The following FHIT variants were observed in gnomAD, a reference collection of about 807,000 sequenced individuals.
The protein encoded by FHIT is bis(5'-adenosyl)-triphosphatase.
Under a neutral mutation model 17.9 loss-of-function variants are expected in FHIT, and 19 were observed. That is an observed-to-expected ratio of 1.06 (90% CI 0.74 to 1.56). The LOEUF (loss-of-function observed/expected upper bound fraction) is 1.56. FHIT is among the 40% of genes most tolerant of loss of function. The pLI is 0.00. For missense variants in FHIT, 248 were observed against 189.2 expected (o/e 1.31, Z -1.82); for synonymous variants, 81 against 69.7 (o/e 1.16, Z -0.81).
In FHIT at chr3:60,150,710, G is replaced by C. The variant is rs887042567; in HGVS notation, c.104-136558C>G. ...AGGCGGGCAGACCGCCTGAGCTCAG[G>C]AGTTCGAGACCAGCCTGGCCAACAT... is the stretch of plus-strand genomic sequence containing the variant. On this transcript the variant is annotated intron_variant, in intron 5 of 9. Transcript: ENST00000492590. 3.3e-5 allele frequency among the ~76,000 whole-genome samples: 5 copies of C among 152,280 alleles called. No homozygotes were observed. The East Asian group carries it at 9.7e-4, about 30-fold the overall frequency.
chr3:59,938,957 G>A (rs1032589095), intron 7 of FHIT, among the ~76,000 whole-genome samples: 3 of 152,158 alleles, frequency 2.0e-5, no homozygotes, highest in African/African-American at 7.2e-5. Context: ...CCAGAGAGCT[G>A]CATATCATCT....
At chr3:60,957,298 C>T (rs1344128203) in intron 3 of FHIT, among the ~76,000 whole-genome samples, 2 of 135,932 alleles carry the variant, frequency 1.5e-5, no homozygotes, top group Non-Finnish European at 3.1e-5. Context: ...AGTGCAGTGG[C>T]GCGATCTCAG....
At chr3:61,230,146 G>A (rs1461077380) in intron 1 of FHIT, among the ~76,000 whole-genome samples, 1 of 152,162 alleles carries the variant, frequency 6.6e-6, no homozygotes, top group African/African-American at 2.4e-5. Flanking sequence ...AGAAAGACTT[G>A]GATCAATGAG....
At chr3:60,588,348 C>G (rs1040196270) in intron 4 of FHIT, among the ~76,000 whole-genome samples, 5 of 151,708 alleles carry the variant, frequency 3.3e-5, no homozygotes, top group Admixed American at 6.6e-5. Flanking sequence ...AAAGGAAGAA[C>G]AAACAGTCAA....
chr3:59,949,335 C>T (rs761755250), intron 7 of FHIT, among the ~76,000 whole-genome samples: 3 of 152,206 alleles, frequency 2.0e-5, no homozygotes, highest in African/African-American at 7.2e-5. Flanking sequence ...CCCTAACTGC[C>T]TCACTCATCT....
chr3:60,872,515 A>G (rs1231066042), intron 3 of FHIT, among the ~76,000 whole-genome samples: 2 of 152,084 alleles, frequency 1.3e-5, no homozygotes, highest in African/African-American at 4.8e-5. Flanking sequence ...ATTCTCAAGG[A>G]GCAAAAATAC....
At chr3:60,518,769 G>A (rs769194531) in intron 5 of FHIT, among the ~76,000 whole-genome samples, 2 of 152,216 alleles carry the variant, frequency 1.3e-5, no homozygotes, top group Non-Finnish European at 2.9e-5. Context: ...AGCACTATGG[G>A]AGGCAGAGGC....
At chr3:60,250,177 A>G (rs977354858) in intron 5 of FHIT, among the ~76,000 whole-genome samples, 1 of 152,156 alleles carries the variant, frequency 6.6e-6, no homozygotes, top group African/African-American at 2.4e-5. Flanking sequence ...GAGGCCATAC[A>G]TGCACTAGAT....
intron 5 of FHIT, among the ~76,000 whole-genome samples, chr3:60,531,490 G>C (rs1468358370): frequency 6.6e-6 from 1 of 151,928 alleles, no homozygotes; most frequent in Non-Finnish European, 1.5e-5. Flanking sequence ...GTGTTAGCCA[G>C]GATGGTCTCG....
At chr3:59,995,870 G>A (rs1396797009) in intron 7 of FHIT, among the ~76,000 whole-genome samples, 1 of 151,946 alleles carries the variant, frequency 6.6e-6, no homozygotes. Flanking sequence ...ATTAAAAGGG[G>A]ACTGACACTA....
intron 3 of FHIT, among the ~76,000 whole-genome samples, chr3:60,921,209 T>A (rs535178793): frequency 1.3e-5 from 2 of 152,184 alleles, no homozygotes; most frequent in Non-Finnish European, 2.9e-5. Context: ...CATTTTTCGG[T>A]ATGGCTGAAC....
intron 8 of FHIT, among the ~76,000 whole-genome samples, chr3:59,911,739 G>T (rs6446090): frequency 1.3e-5 from 2 of 152,016 alleles, no homozygotes; most frequent in Non-Finnish European, 2.9e-5. Flanking sequence ...GGTTTTGACA[G>T]GAGGCAGGCA....
At chr3:61,139,213 T>C (rs1286249937) in intron 2 of FHIT, among the ~76,000 whole-genome samples, 1 of 152,108 alleles carries the variant, frequency 6.6e-6, no homozygotes, top group Non-Finnish European at 1.5e-5. Context: ...GTATTTTTAG[T>C]AGAGACGGGA....
chr3:60,130,745 G>GGT (rs371035618), intron 5 of FHIT, among the ~76,000 whole-genome samples: 3,631 of 80,254 alleles, frequency 0.045, 60 homozygotes, highest in African/African-American at 0.058. Context: ...ACTGAATAGG[G>GGT]GTGTGTGTGT....
chr3:59,759,557 T>G (rs1486988866), intron 8 of FHIT, among the ~76,000 whole-genome samples: 1 of 152,118 alleles, frequency 6.6e-6, no homozygotes, highest in Non-Finnish European at 1.5e-5. Flanking sequence ...TCTGAACTAG[T>G]GTGAAAATCA....
chr3:59,786,816 A>G (rs1699324679), intron 8 of FHIT, among the ~76,000 whole-genome samples: 1 of 152,258 alleles, frequency 6.6e-6, no homozygotes, highest in East Asian at 1.9e-4. Context: ...AGGTTCCCTC[A>G]ATACTCCAGC....
At chr3:60,090,054 C>A (rs913113273) in intron 5 of FHIT, among the ~76,000 whole-genome samples, 4 of 152,016 alleles carry the variant, frequency 2.6e-5, no homozygotes, top group Non-Finnish European at 5.9e-5. Context: ...ATTCCTAATA[C>A]AAAAAAGTGA....
At chr3:60,374,854 TG>T (rs544451820) in intron 5 of FHIT, among the ~76,000 whole-genome samples, 2 of 152,142 alleles carry the variant, frequency 1.3e-5, no homozygotes, top group Admixed American at 6.6e-5. Flanking sequence ...TGCTAATCAC[TG>T]AACCAGCCCT....
chr3:61,030,353 T>C (rs79635448), intron 3 of FHIT, among the ~76,000 whole-genome samples: 1,930 of 152,342 alleles, frequency 0.013, 47 homozygotes, highest in African/African-American at 0.044. Flanking sequence ...CATTCGTTCA[T>C]TCAATACGTT....
Sources: allele counts gnomAD v4.1 joint callset (sites outside exome capture counted in the v4.1 genomes callset), GRCh38; gene constraint gnomAD v4.1.1; transcripts MANE v1.5; gene names NCBI Gene and HGNC (gene_info 2026-07-23, HGNC 2026-07-21).